The following ATOSA variants were observed in gnomAD, a reference collection of about 807,000 sequenced individuals.
The protein encoded by ATOSA is atos homolog A.
chr15:52,620,352 A>T, the ATOSA span, among the ~76,000 whole-genome samples: 2 of 152,196 alleles, frequency 1.3e-5, no homozygotes, highest in Admixed American at 1.3e-4. Flanking sequence ...CAGAAAAACC[A>T]CAGGAGAGAG....
the ATOSA span, chr15:52,613,987 G>T: frequency 1.2e-6 from 1 of 825,860 alleles, no homozygotes; most frequent in Non-Finnish European, 2.0e-6. Flanking sequence ...TAATAAAAAT[G>T]AGAATCAAAA....
chr15:52,625,561 G>C, the ATOSA span, among the ~76,000 whole-genome samples: 1 of 152,074 alleles, frequency 6.6e-6, no homozygotes, highest in East Asian at 1.9e-4. Context: ...ATCTATCACA[G>C]ACTGACTTTT....
the ATOSA span, among the ~76,000 whole-genome samples, chr15:52,645,727 A>G: frequency 6.6e-6 from 1 of 152,196 alleles, no homozygotes; most frequent in South Asian, 2.1e-4. Flanking sequence ...CAGGGCCTGA[A>G]GACTCTCAAG....
At chr15:52,589,701 TTCA>T in the ATOSA span, among the ~76,000 whole-genome samples, 1 of 152,186 alleles carries the variant, frequency 6.6e-6, no homozygotes, top group Non-Finnish European at 1.5e-5. Flanking sequence ...TTGTAATAAT[TTCA>T]TCATTTTAAT....
At chr15:52,624,684 T>G in the ATOSA span, among the ~76,000 whole-genome samples, 331 of 152,370 alleles carry the variant, frequency 2.2e-3, 5 homozygotes, top group East Asian at 0.016. Context: ...ATGCTATGGA[T>G]GTACATCTAC....
At chr15:52,609,326 A>C in the ATOSA span, 1 of 1,613,976 alleles carries the variant, frequency 6.2e-7, no homozygotes, top group Admixed American at 1.7e-5. Flanking sequence ...TTCTTCAACA[A>C]ATTTTTGTCT....
chr15:52,650,046 A>G, the ATOSA span, among the ~76,000 whole-genome samples: 2 of 152,240 alleles, frequency 1.3e-5, no homozygotes, highest in African/African-American at 4.8e-5. Flanking sequence ...TAAAATGGGT[A>G]GCAAATCAAT....
chr15:52,666,425 G>A, the ATOSA span, among the ~76,000 whole-genome samples: 1 of 152,142 alleles, frequency 6.6e-6, no homozygotes, highest in African/African-American at 2.4e-5. Context: ...CTTAGAGAAT[G>A]AACAACTACT....
At chr15:52,622,679 G>C in the ATOSA span, among the ~76,000 whole-genome samples, 2 of 152,264 alleles carry the variant, frequency 1.3e-5, no homozygotes, top group African/African-American at 4.8e-5. Context: ...CATTTCAGCT[G>C]AGATCTGAAT....
the ATOSA span, among the ~76,000 whole-genome samples, chr15:52,693,438 A>G: frequency 6.6e-6 from 1 of 152,274 alleles, no homozygotes; most frequent in East Asian, 1.9e-4. Context: ...GATTTCAGAG[A>G]ATATAGTTAA....
At chr15:52,599,710 T>C in the ATOSA span, among the ~76,000 whole-genome samples, 1 of 152,170 alleles carries the variant, frequency 6.6e-6, no homozygotes, top group Non-Finnish European at 1.5e-5. Context: ...AGCTGCAGAT[T>C]TACAAAAAAG....
the ATOSA span, chr15:52,610,397 GAAA>G: frequency 2.5e-6 from 4 of 1,584,794 alleles, no homozygotes; most frequent in Non-Finnish European, 3.4e-6. Context: ...GAATCACACA[GAAA>G]AATACTGTAT....
the ATOSA span, among the ~76,000 whole-genome samples, chr15:52,691,599 C>T: frequency 6.6e-6 from 1 of 152,052 alleles, no homozygotes; most frequent in Non-Finnish European, 1.5e-5. Context: ...ATTTGGGAGG[C>T]TGAGGTGGGA....
chr15:52,670,172 A>G, the ATOSA span, among the ~76,000 whole-genome samples: 1 of 152,232 alleles, frequency 6.6e-6, no homozygotes, highest in African/African-American at 2.4e-5. Context: ...TGACAGTGAC[A>G]TAAGTGTCCA....
the ATOSA span, among the ~76,000 whole-genome samples, chr15:52,636,434 G>A: frequency 7.9e-5 from 12 of 152,080 alleles, no homozygotes; most frequent in Non-Finnish European, 1.3e-4. Flanking sequence ...GGGCTTTTAG[G>A]AGGTAATTAA....
At chr15:52,626,780 G>A in the ATOSA span, among the ~76,000 whole-genome samples, 4 of 152,094 alleles carry the variant, frequency 2.6e-5, no homozygotes, top group African/African-American at 7.2e-5. Flanking sequence ...CCTGTTATTA[G>A]TTCAATTCCA....
At chr15:52,690,891 T>C in the ATOSA span, among the ~76,000 whole-genome samples, 1 of 152,216 alleles carries the variant, frequency 6.6e-6, no homozygotes, top group Non-Finnish European at 1.5e-5. Flanking sequence ...ATGGAGAAGA[T>C]AGAATCTGAT....
the ATOSA span, among the ~76,000 whole-genome samples, chr15:52,663,337 T>C: frequency 1.3e-5 from 2 of 152,240 alleles, no homozygotes; most frequent in South Asian, 2.1e-4. Context: ...CCTTTGATAG[T>C]AAACATTACT....
At chr15:52,608,422 C>T in the ATOSA span, 1 of 668,926 alleles carries the variant, frequency 1.5e-6, no homozygotes, top group South Asian at 3.2e-5. Flanking sequence ...GATGTTAATA[C>T]TAGTTCTGTA....
Sources: gnomAD v4.1 joint callset for allele counts (sites outside exome capture counted in the v4.1 genomes callset) on GRCh38, gnomAD v4.1.1 for gene constraint, MANE v1.5 for transcripts, NCBI Gene and HGNC (gene_info 2026-07-23, HGNC 2026-07-21) for gene names.